SYCP1: variants seen among roughly 807,000 people sequenced by gnomAD.
SYCP1 encodes the protein synaptonemal complex protein 1, also known as cancer/testis antigen 8.
In SYCP1, 64 loss-of-function variants were observed where a neutral mutation model predicts 153.1. The observed-to-expected ratio is 0.42, with a 90% CI of 0.34 to 0.51. SYCP1 has a LOEUF of 0.51. Among genes scored for constraint, SYCP1 ranks in the 20% least tolerant of loss-of-function variants. The pLI is 0.06. For missense variants in SYCP1, 997 were observed against 1,049.0 expected, an observed-to-expected ratio of 0.95 and a Z score of 0.68; for synonymous variants, 384 against 341.8, an observed-to-expected ratio of 1.12 and a Z score of -1.36.
intron 27 of SYCP1, among the ~76,000 whole-genome samples, chr1:114,962,254 G>A (rs1341463723): frequency 6.6e-6 from 1 of 152,048 alleles, no homozygotes; most frequent in Non-Finnish European, 1.5e-5. Flanking sequence ...CCAAAGTGCT[G>A]GGATTATAGG....
chr1:114,923,469 G>C lies in SYCP1; in HGVS notation c.1739G>C (p.Arg580Thr). Residue 580 changes from arginine (R) to threonine (T), a missense_variant, in exon 21 of 32, where the codon AGA becomes ACA. Around this residue, in one of 2 missense-constraint regions of SYCP1, gnomAD observed 712 missense variants for 682.9 expected, o/e 1.04. Transcript: ENST00000369522. ...TQLRNELEYV[R>T]EELKQKRDEV... ...TTTAGAAATGAACTAGAATATGTGAGAGAAGAGCTAAAACAGAAAAGAGAT... is the reference window on the plus strand; with the variant it reads ...TTTAGAAATGAACTAGAATATGTGACAGAAGAGCTAAAACAGAAAAGAGAT... The C allele has an allele frequency of 6.3e-7, 1 of 1,588,704 alleles. No homozygotes were observed. The highest frequency in any genetic ancestry group is 1.1e-5 in the South Asian group (1 of 88,396).
chr1:114,925,170 A>C (rs1386572342), intron 21 of SYCP1, among the ~76,000 whole-genome samples: 3 of 152,080 alleles, frequency 2.0e-5, no homozygotes, highest in Non-Finnish European at 2.9e-5. Context: ...CCTTTAGTTC[A>C]TATTTATTAG....
At chr1:114,952,889 A>G (rs1671198273) in intron 27 of SYCP1, among the ~76,000 whole-genome samples, 1 of 152,208 alleles carries the variant, frequency 6.6e-6, no homozygotes, top group Non-Finnish European at 1.5e-5. Flanking sequence ...TTGCTATAAC[A>G]GAATACTTGA....
chr1:114,960,298 G>T (rs1343499641), intron 27 of SYCP1, among the ~76,000 whole-genome samples: 1 of 151,234 alleles, frequency 6.6e-6, no homozygotes, highest in East Asian at 1.9e-4. Context: ...CTCCCGAGTA[G>T]CTGGGATCAC....
At chr1:114,878,345 T>G (rs1447847527) in intron 12 of SYCP1, 143 bp downstream of exon 12, 1 of 557,512 alleles carries the variant, frequency 1.8e-6, no homozygotes, top group Admixed American at 3.5e-5. Flanking sequence ...GAGGAGGGCA[T>G]AATAGATTAA....
At chr1:114,892,736 G>A (rs1666804901) in intron 15 of SYCP1, among the ~76,000 whole-genome samples, 1 of 152,088 alleles carries the variant, frequency 6.6e-6, no homozygotes, top group African/African-American at 2.4e-5. Context: ...TGTTGGTAGG[G>A]GGCAGGGTTG....
upstream of SYCP1, among the ~76,000 whole-genome samples, chr1:114,854,384 C>T (rs1439008021): frequency 1.3e-5 from 2 of 152,188 alleles, no homozygotes; most frequent in African/African-American, 4.8e-5. Flanking sequence ...GCAGTCCTCC[C>T]GCCTTGGCCT....
chr1:114,857,025 AAGGT>A (rs990759871), intron 3 of SYCP1, among the ~76,000 whole-genome samples: 2 of 149,052 alleles, frequency 1.3e-5, no homozygotes, highest in African/African-American at 4.9e-5. Context: ...TTGGGAGGCT[AAGGT>A]GGGAGGATCA....
At chr1:114,857,136 C>CAAAA (rs71582509) in intron 3 of SYCP1, 96 bp from the exon 4 acceptor site, 4,226 of 243,382 alleles carry the variant, frequency 0.017, 16 homozygotes, top group East Asian at 0.03. Flanking sequence ...CTCTCTCTCT[C>CAAAA]AAAAAAAAAA....
intron 16 of SYCP1, among the ~76,000 whole-genome samples, chr1:114,902,598 C>G (rs570875196): frequency 6.6e-6 from 1 of 150,460 alleles, no homozygotes; most frequent in African/African-American, 2.5e-5. Context: ...CCTGAGGCCC[C>G]GCCCTGTCCT....
At chr1:114,911,177 C>T (rs543471733) in intron 17 of SYCP1, among the ~76,000 whole-genome samples, 3 of 151,532 alleles carry the variant, frequency 2.0e-5, no homozygotes, top group African/African-American at 7.3e-5. Context: ...TATATTTCTC[C>T]TTGATAATAT....
intron 16 of SYCP1, among the ~76,000 whole-genome samples, chr1:114,901,351 A>T (rs984214092): frequency 6.6e-6 from 1 of 152,226 alleles, no homozygotes; most frequent in African/African-American, 2.4e-5. Context: ...CACTTTAATT[A>T]AGCTGAGTAC....
At chr1:114,888,645 T>G (rs921591808) in intron 15 of SYCP1, among the ~76,000 whole-genome samples, 4 of 152,244 alleles carry the variant, frequency 2.6e-5, no homozygotes, top group Middle Eastern at 3.4e-3. Flanking sequence ...ATTCCATTTT[T>G]TATTCTTCCT....
At chr1:114,927,730 A>G (rs1669349259) in intron 23 of SYCP1, among the ~76,000 whole-genome samples, 1 of 152,198 alleles carries the variant, frequency 6.6e-6, no homozygotes, top group Non-Finnish European at 1.5e-5. Flanking sequence ...AAAGAAAGGA[A>G]TAGTGCCTCG....
At chr1:114,917,444 A>C (rs986457543) in intron 20 of SYCP1, among the ~76,000 whole-genome samples, 3 of 152,130 alleles carry the variant, frequency 2.0e-5, no homozygotes, top group Admixed American at 2.0e-4. Context: ...ACAGTGCTTC[A>C]ATTAACAGAG....
At chr1:114,916,771 A>G (rs1418879705) in intron 20 of SYCP1, among the ~76,000 whole-genome samples, 1 of 151,492 alleles carries the variant, frequency 6.6e-6, no homozygotes, top group Non-Finnish European at 1.5e-5. Flanking sequence ...ACTTTTTATT[A>G]TATGAAAGGT....
chr1:114,958,288 G>A (rs1671559701), intron 27 of SYCP1, among the ~76,000 whole-genome samples: 1 of 152,126 alleles, frequency 6.6e-6, no homozygotes, highest in East Asian at 1.9e-4. Context: ...GGCTGGGAAG[G>A]GTAGTGGGGA....
intron 3 of SYCP1, 120 bp downstream of exon 3, chr1:114,856,777 T>A: frequency 1.4e-6 from 1 of 706,638 alleles, no homozygotes; most frequent in South Asian, 2.4e-5. Flanking sequence ...AAGCTAGATA[T>A]AATACTTAAT....
In SYCP1 at chr1:114,984,710, T is replaced by C. The variant is rs771597020; in HGVS notation, c.2560-15T>C. ...TATTTGATATGATAATGTATGGTTT[T>C]TTATTTTTGGATAGGCATATACAGT... On this transcript the variant is annotated splice_polypyrimidine_tract_variant and intron_variant, in intron 29 of 31. Transcript: ENST00000369522. 7 of 1,355,334 alleles carry C rather than the reference T, an allele frequency of 5.2e-6. No homozygotes were observed. The highest frequency in any genetic ancestry group is 6.7e-6 in the Non-Finnish European group (7 of 1,046,370). 84.0% of individuals were successfully genotyped at this position (1,355,334 alleles called of 1,614,324 possible).
Sources: gnomAD v4.1 joint callset for allele counts (sites outside exome capture counted in the v4.1 genomes callset) on GRCh38, gnomAD v4.1.1 for gene constraint, gnomAD v4.1.1 regional missense constraint, MANE v1.5 for transcripts, NCBI Gene and HGNC (gene_info 2026-07-23, HGNC 2026-07-21) for gene names.